The following DSCAM variants were observed in gnomAD, a reference collection of about 807,000 sequenced individuals.
DSCAM encodes cell adhesion molecule DSCAM.
Under a neutral mutation model 217.7 loss-of-function variants are expected in DSCAM, and 47 were observed. The ratio of observed to expected loss-of-function variants is 0.22; its 90% confidence interval spans 0.17 to 0.28. DSCAM has a LOEUF of 0.28. Among genes scored for constraint, DSCAM ranks in the 10% least tolerant of loss-of-function variants. The probability of loss-of-function intolerance (pLI) is 1.00; values close to 1 mark genes in which losing one functional copy is unlikely to be tolerated. For missense variants in DSCAM, 2,080 were observed against 2,618.3 expected (o/e 0.79, Z 4.49); for synonymous variants, 1,056 against 1,015.3 (o/e 1.04, Z -0.76).
At chr21:40,068,927 A>C (rs910264918) in intron 27 of DSCAM, among the ~76,000 whole-genome samples, 1 of 152,034 alleles carries the variant, frequency 6.6e-6, no homozygotes, top group African/African-American at 2.4e-5. Flanking sequence ...CTCTACTAAA[A>C]ATACAAAATT....
rs1601729754 is a variant in DSCAM, at chr21:40,543,084, T to C, written c.508+149726A>G. Among the ~76,000 whole-genome samples the C allele has an allele frequency of 5.9e-5, 9 of 152,260 alleles. No individual in the cohort carries two copies. In the South Asian group the frequency reaches 1.7e-3, roughly 28 times the overall value. On this transcript the variant is annotated intron_variant, in intron 3 of 32. Coordinates refer to ENST00000400454, the MANE Select transcript of DSCAM (RefSeq NM_001389.5). ...ATTAAATAAAATGTATCTGGCTCAT[T>C]TCAAAAAAGAATACAGAATACATCT...
intron 3 of DSCAM, among the ~76,000 whole-genome samples, chr21:40,548,933 G>T (rs563842099): frequency 6.6e-6 from 1 of 152,186 alleles, no homozygotes; most frequent in Non-Finnish European, 1.5e-5. Flanking sequence ...GGCCGGGCAC[G>T]GTGGCTCATG....
intron 3 of DSCAM, among the ~76,000 whole-genome samples, chr21:40,400,931 T>C (rs2123775149): frequency 6.6e-6 from 1 of 152,360 alleles, no homozygotes; most frequent in Admixed American, 6.5e-5. Context: ...TATTTGTTAA[T>C]ATAATCACTG....
At chr21:40,301,923 C>T (rs1280315676) in intron 9 of DSCAM, among the ~76,000 whole-genome samples, 1 of 152,124 alleles carries the variant, frequency 6.6e-6, no homozygotes, top group African/African-American at 2.4e-5. Context: ...AAGACAGCCT[C>T]ATAGGAGGAC....
At chr21:40,770,909 G>C (rs112805873) in intron 1 of DSCAM, among the ~76,000 whole-genome samples, 1 of 152,234 alleles carries the variant, frequency 6.6e-6, no homozygotes, top group African/African-American at 2.4e-5. Flanking sequence ...TGCAAAAACA[G>C]AAGAGGTAGA....
chr21:40,364,166 T>A (rs1321503898), intron 4 of DSCAM, among the ~76,000 whole-genome samples: 2 of 152,138 alleles, frequency 1.3e-5, no homozygotes, highest in African/African-American at 4.8e-5. Flanking sequence ...GACCCAGCCA[T>A]CCCATTACTG....
At chr21:40,360,434 C>T (rs917768478) in intron 4 of DSCAM, among the ~76,000 whole-genome samples, 1 of 151,636 alleles carries the variant, frequency 6.6e-6, no homozygotes, top group Non-Finnish European at 1.5e-5. Context: ...GTGCCTGGCC[C>T]TTGATAGGTA....
intron 3 of DSCAM, among the ~76,000 whole-genome samples, chr21:40,485,110 A>G (rs566044956): frequency 7.9e-5 from 12 of 152,126 alleles, no homozygotes; most frequent in African/African-American, 2.9e-4. Context: ...TTCTGGCCTC[A>G]CTGACAACAC....
intron 1 of DSCAM, among the ~76,000 whole-genome samples, chr21:40,809,369 G>A (rs1361917528): frequency 6.6e-6 from 1 of 152,188 alleles, no homozygotes; most frequent in African/African-American, 2.4e-5. Flanking sequence ...GGACTTCAAA[G>A]CAGGGATGGG....
At chr21:40,385,179 T>C (rs1341867042) in intron 3 of DSCAM, 1 of 152,182 alleles carries the variant, frequency 6.6e-6, no homozygotes, top group African/African-American at 2.4e-5. Flanking sequence ...CTTACATAAG[T>C]ATTTTACTAT....
At chr21:40,556,747 T>C (rs2076675094) in intron 3 of DSCAM, among the ~76,000 whole-genome samples, 1 of 152,160 alleles carries the variant, frequency 6.6e-6, no homozygotes, top group African/African-American at 2.4e-5. Flanking sequence ...AGGGATGGCA[T>C]TAACCTATTT....
chr21:40,230,651 T>C (rs1274761432), intron 11 of DSCAM, among the ~76,000 whole-genome samples: 1 of 152,228 alleles, frequency 6.6e-6, no homozygotes, highest in East Asian at 1.9e-4. Context: ...TATTTTTATT[T>C]TTACTTAGTT....
intron 3 of DSCAM, among the ~76,000 whole-genome samples, chr21:40,380,931 C>T (rs1487856536): frequency 2.0e-5 from 3 of 151,750 alleles, no homozygotes; most frequent in African/African-American, 4.8e-5. Context: ...GGCGTGGTGG[C>T]GGGCGCCTGT....
At chr21:40,213,942 C>T (rs1397113408) in intron 11 of DSCAM, among the ~76,000 whole-genome samples, 3 of 152,164 alleles carry the variant, frequency 2.0e-5, no homozygotes, top group African/African-American at 4.8e-5. Context: ...GCCCTTGGCC[C>T]AGCCATTTGG....
intron 4 of DSCAM, among the ~76,000 whole-genome samples, chr21:40,360,075 G>C (rs555977597): frequency 1.3e-5 from 2 of 148,814 alleles, no homozygotes; most frequent in Non-Finnish European, 3.0e-5. Flanking sequence ...GAGGTTTGGA[G>C]TAGAGATCCT....
intron 1 of DSCAM, among the ~76,000 whole-genome samples, chr21:40,771,039 A>G (rs1279363760): frequency 6.6e-6 from 1 of 152,198 alleles, no homozygotes; most frequent in Non-Finnish European, 1.5e-5. Context: ...TGGACATGGC[A>G]TAGCACCCCC....
chr21:40,176,363 T>C (rs1472798079), intron 15 of DSCAM, among the ~76,000 whole-genome samples: 1 of 151,878 alleles, frequency 6.6e-6, no homozygotes. Context: ...GGGTACTAGA[T>C]TACAGTAAAA....
In DSCAM at chr21:40,825,317, T is replaced by TTC. The variant is rs1569055732; in HGVS notation, c.43+21301_43+21302insGA. On this transcript the variant is annotated intron_variant, in intron 1 of 32. Transcript: ENST00000400454. ...TCCTTCCTTCCTTCCTTCCTTCCTT[T>TTC]TTTTCTTCCTTTCTTTCTGAGATGG... 8.8e-4 allele frequency among the ~76,000 whole-genome samples: 116 copies of TTC among 131,182 alleles called. 2 individuals carry two copies. Among genetic ancestry groups the TTC allele is most frequent in the Admixed American group, 7.3e-3 (93 of 12,740 alleles). 86.1% of individuals were successfully genotyped at this position (131,182 alleles called of 152,430 possible).
At chr21:40,037,182 A>G (rs1346225780) in intron 32 of DSCAM, among the ~76,000 whole-genome samples, 2 of 149,028 alleles carry the variant, frequency 1.3e-5, no homozygotes, top group Non-Finnish European at 1.5e-5. Flanking sequence ...TAGGCAGGAG[A>G]AGGAAATAAA....
Sources: gnomAD v4.1 joint callset for allele counts (sites outside exome capture counted in the v4.1 genomes callset) on GRCh38, gnomAD v4.1.1 for gene constraint, MANE v1.5 for transcripts, NCBI Gene and HGNC (gene_info 2026-07-23, HGNC 2026-07-21) for gene names.